Variants in NEK9 observed in about 807,000 individuals in gnomAD.
The protein encoded by NEK9 is serine/threonine-protein kinase Nek9.
In NEK9, 75 loss-of-function variants were observed where a neutral mutation model predicts 123.4. The ratio of observed to expected loss-of-function variants is 0.61; its 90% CI spans 0.50 to 0.74. The LOEUF is 0.74. Among genes scored for constraint, NEK9 ranks in the 30% least tolerant of loss-of-function variants. NEK9 has a pLI of 0.00. For missense variants in NEK9, 952 were observed against 1,214.4 expected, an observed-to-expected ratio of 0.78 and a Z score of 3.21; for synonymous variants, 438 against 458.7, an observed-to-expected ratio of 0.95 and a Z score of 0.58.
chr14:75,098,195 T>C (rs971440631), intron 16 of NEK9, among the ~76,000 whole-genome samples: 11 of 152,134 alleles, frequency 7.2e-5, no homozygotes, highest in Non-Finnish European at 1.6e-4. Context: ...TAGGAGGAAG[T>C]TGCCATTTAC....
chr14:75,097,099 C>T lies in NEK9; in HGVS notation c.2173+1G>A. On this transcript the variant is annotated splice_donor_variant, in intron 17 of 21. Coordinates refer to ENST00000238616, the MANE Select transcript of NEK9 (RefSeq NM_033116.6). LOFTEE classifies it high-confidence loss of function. ...CAACCCCAGACATATGAAACTCTTA[C>T]CAACGATGAGAATGGTATGCCATCC... 2 of 1,601,602 alleles carry T rather than the reference C, an allele frequency of 1.2e-6. No individual in the cohort carries two copies. The highest frequency in any genetic ancestry group is 2.2e-5 in the East Asian group (1 of 44,760).
At chr14:75,094,373 C>T (rs569379912) in intron 18 of NEK9, among the ~76,000 whole-genome samples, 1 of 152,188 alleles carries the variant, frequency 6.6e-6, no homozygotes, top group African/African-American at 2.4e-5. Context: ...GCACTGTAAC[C>T]TTGAACTCCT....
Position 75,114,255 on chromosome 14 carries a change from G to A in NEK9, c.821C>T (p.Ser274Phe), listed in dbSNP as rs144493028. Residue 274 changes from serine (S) to phenylalanine (F), a missense_variant, in exon 7 of 22, where the codon TCT becomes TTT. Physicochemically the swap from Ser to Phe is radical, Grantham distance 155. Around this residue, in one of 4 missense-constraint regions of NEK9, gnomAD observed 698 missense variants for 875.6 expected, o/e 0.80. Coordinates refer to ENST00000238616, the MANE Select transcript of NEK9 (RefSeq NM_033116.6). ...VQGIRAMEVDSSQYSLELIQM... is the reference protein window; with the variant it reads ...VQGIRAMEVDFSQYSLELIQM... ...GATCAATTCCAAAGAGTACTGGCTA[G>A]AGTCAACTTCCATGGCCCGAATTCC... 5 of 1,614,148 alleles carry A rather than the reference G, an allele frequency of 3.1e-6. No individual in the cohort carries two copies. The highest frequency in any genetic ancestry group is 2.2e-5 in the South Asian group (2 of 91,084).
At position 75,088,523 on chromosome 14, in the gene NEK9, G is replaced by A. The variant is rs1304052507; in HGVS notation, c.2561C>T (p.Ala854Val). The A allele has an allele frequency of 1.6e-5, 26 of 1,614,056 alleles. No individual in the cohort carries two copies. Among genetic ancestry groups the A allele is most frequent in the Non-Finnish European group, 2.1e-5 (25 of 1,179,978 alleles). Residue 854 changes from alanine to valine, a missense_variant, in exon 20 of 22, where the codon GCC (alanine) becomes GTC (valine). Transcript: ENST00000238616. The part of the protein sequence containing the change: ...PYEELQGLKV[A>V]SEAPLEHKPQ... ...TTTGTGTTCCAAAGGAGCTTCAGAG[G>A]CCACTTTGAGTCCTTGCAGCTCTTC...
chr14:75,100,067 T>C (rs1894517261), intron 16 of NEK9, among the ~76,000 whole-genome samples: 1 of 125,092 alleles, frequency 8.0e-6, no homozygotes, highest in Non-Finnish European at 1.6e-5. Context: ...AGGTGGAGGT[T>C]GCAGTGAGCC....
chr14:75,126,340 C>A (rs981005304), intron 1 of NEK9, among the ~76,000 whole-genome samples: 1 of 152,080 alleles, frequency 6.6e-6, no homozygotes, highest in Non-Finnish European at 1.5e-5. Flanking sequence ...TTTGGCAATA[C>A]CTCACATTCG....
At chr14:75,103,057 G>A (rs995974068) in intron 14 of NEK9, among the ~76,000 whole-genome samples, 1 of 152,098 alleles carries the variant, frequency 6.6e-6, no homozygotes, top group Non-Finnish European at 1.5e-5. Flanking sequence ...GTGGGGGAAG[G>A]GGGGAGGGAT....
At chr14:75,093,624 T>C (rs1194911496) in intron 18 of NEK9, among the ~76,000 whole-genome samples, 1 of 152,116 alleles carries the variant, frequency 6.6e-6, no homozygotes, top group Non-Finnish European at 1.5e-5. Flanking sequence ...TGGCTAATTT[T>C]TTTTTGTATT....
At chr14:75,127,076 TTC>T (rs1895567284), upstream of NEK9, 1 of 581,408 alleles carries the variant, frequency 1.7e-6, no homozygotes, top group South Asian at 2.4e-5. Context: ...CCGGAAACAG[TTC>T]TCTGTGTTTC....
intron 19 of NEK9, 51 bp downstream of exon 19, chr14:75,091,219 C>A: frequency 6.8e-7 from 1 of 1,475,296 alleles, no homozygotes; most frequent in South Asian, 1.3e-5. Context: ...CTTTCTAGTT[C>A]CTGCAAAGGG....
At chr14:75,103,366 T>C (rs1011844187) in intron 14 of NEK9, among the ~76,000 whole-genome samples, 1 of 147,582 alleles carries the variant, frequency 6.8e-6, no homozygotes, top group African/African-American at 2.6e-5. Flanking sequence ...GGAAATATGT[T>C]TTTTTTTATA....
intron 11 of NEK9, 122 bp downstream of exon 11, chr14:75,107,221 T>G: frequency 9.7e-7 from 1 of 1,034,902 alleles, no homozygotes; most frequent in East Asian, 2.6e-5. Flanking sequence ...GTATATTTGC[T>G]CAAGGTCCTC....
chr14:75,091,625 T>C, intron 18 of NEK9, 147 bp from the exon 19 acceptor site: 1 of 582,600 alleles, frequency 1.7e-6, no homozygotes, highest in African/African-American at 1.9e-5. Context: ...AGGGACTAAA[T>C]TTTTGGTTTT....
chr14:75,117,087 G>T (rs1566658116), intron 6 of NEK9, 108 bp downstream of exon 6: 2 of 1,296,628 alleles, frequency 1.5e-6, no homozygotes, highest in Non-Finnish European at 2.1e-6. Context: ...CTGAATACAG[G>T]TTATTTTTGC....
In NEK9 at chr14:75,109,853, G is replaced by A. The variant is rs754944962; in HGVS notation, c.1014C>T (p.Pro338=). The A allele has an allele frequency of 6.8e-6, 11 of 1,612,510 alleles. No individual in the cohort carries two copies. Among genetic ancestry groups the A allele is most frequent in the Non-Finnish European group, 9.3e-6 (11 of 1,179,462 alleles). The change falls in exon 10 of 22, where the codon CCC becomes CCT. Residue 338 remains proline (P), a synonymous_variant. Coordinates refer to ENST00000238616, the MANE Select transcript of NEK9 (RefSeq NM_033116.6). Reference sequence around the variant, plus strand: ...TGGTTCGTGATGTTACTACAGCAATGGGTGCTTCAGTCACAGTGCTTGACC... The same window carrying A: ...TGGTTCGTGATGTTACTACAGCAATAGGTGCTTCAGTCACAGTGCTTGACC... The part of the protein sequence containing the change: ...RPRSSTVTEA[P]IAVVTSRTSE...
At position 75,095,444 on chromosome 14, in the gene NEK9, A is replaced by T. The variant is rs755995081; in HGVS notation, c.2174-13T>A. The T allele has an allele frequency of 1.9e-6, 3 of 1,605,480 alleles. No individual in the cohort carries two copies. Among genetic ancestry groups the T allele is most frequent in the Non-Finnish European group, 2.6e-6 (3 of 1,172,758 alleles). ...TTCAATACTTTCTCTGAGAAAAAATATTTGGTAGGTAAGCACTGTATACTG... is the reference window on the plus strand; with the variant it reads ...TTCAATACTTTCTCTGAGAAAAAATTTTTGGTAGGTAAGCACTGTATACTG... On this transcript the variant is annotated splice_polypyrimidine_tract_variant and intron_variant, in intron 17 of 21. Transcript: ENST00000238616.
rs1566664328 is a variant in NEK9 at position 75,127,030 on chromosome 14, C to T, written c.-109G>A. On this transcript the variant is annotated 5_prime_UTR_variant, in exon 1 of 22. Transcript: ENST00000238616. ...GCCCGCGGATCCGTCAGCCCAGCAACCCCGCGAAGCTCGATGGTGGCTCCT... is the reference window on the plus strand; with the variant it reads ...GCCCGCGGATCCGTCAGCCCAGCAATCCCGCGAAGCTCGATGGTGGCTCCT... 3 of 883,970 alleles carry T rather than the reference C, an allele frequency of 3.4e-6. No homozygotes were observed. The highest frequency in any genetic ancestry group is 4.9e-6 in the Non-Finnish European group (3 of 611,206). The allele number at this position is 883,970 out of a possible 1,614,324, so 54.8% of individuals were successfully genotyped here.
chr14:75,088,331 T>C, intron 20 of NEK9, 149 bp downstream of exon 20: 1 of 699,394 alleles, frequency 1.4e-6, no homozygotes, highest in Non-Finnish European at 2.4e-6. Context: ...TAGTCTTGGG[T>C]TGAGGCTTTA....
Position 75,124,222 on chromosome 14 carries a change from T to G in NEK9, c.221A>C (p.Asp74Ala). 6.2e-7 allele frequency: 1 copy of G among 1,613,434 alleles called. No individual in the cohort carries two copies. Among genetic ancestry groups the G allele is most frequent in the Non-Finnish European group, 8.5e-7 (1 of 1,179,450 alleles). ...TTCCTTCCACACAACCAGTGAGTCA[T>G]CCTAAACACAGTAACAGAGGTATCG... Reference protein sequence around the residue: ...GEATLYRRTEDDSLVVWKEVD... With the variant: ...GEATLYRRTEADSLVVWKEVD... The change falls in exon 2 of 22, where the codon GAT (aspartate) becomes GCT (alanine). Residue 74 changes from aspartate (D) to alanine (A), a missense_variant and splice_region_variant. By Grantham distance (126) the Asp-to-Ala change is moderately radical. Coordinates refer to ENST00000238616, the MANE Select transcript of NEK9 (RefSeq NM_033116.6).
Sources: allele counts gnomAD v4.1 joint callset (sites outside exome capture counted in the v4.1 genomes callset), GRCh38; gene constraint gnomAD v4.1.1; regional missense constraint gnomAD v4.1.1; transcripts MANE v1.5; gene names NCBI Gene and HGNC (gene_info 2026-07-23, HGNC 2026-07-21).